The following HYCC1 variants were observed in gnomAD, a reference collection of about 807,000 sequenced individuals.
HYCC1 encodes the protein hyccin PI4KA lipid kinase complex subunit 1.
chr7:22,933,413 T>C, the HYCC1 span, among the ~76,000 whole-genome samples: 2 of 152,196 alleles, frequency 1.3e-5, no homozygotes, highest in Non-Finnish European at 2.9e-5. Context: ...CATTATAAAA[T>C]TTCTCTTTAT....
the HYCC1 span, among the ~76,000 whole-genome samples, chr7:22,914,616 G>A: frequency 5.3e-5 from 8 of 152,102 alleles, no homozygotes; most frequent in Non-Finnish European, 7.4e-5. Context: ...GGTGCCTGAC[G>A]TCCAGGCATT....
At chr7:22,964,783 G>A in the HYCC1 span, among the ~76,000 whole-genome samples, 62,905 of 151,900 alleles carry the variant, frequency 0.41, 13,020 homozygotes, top group East Asian at 0.51. Context: ...TGGTTAGTTC[G>A]CTAATTTTGG....
chr7:23,008,309 G>A, the HYCC1 span, among the ~76,000 whole-genome samples: 1 of 151,872 alleles, frequency 6.6e-6, no homozygotes, highest in Non-Finnish European at 1.5e-5. Context: ...GAATCAATAA[G>A]TTTTAAAATA....
the HYCC1 span, among the ~76,000 whole-genome samples, chr7:22,994,428 C>T: frequency 1.3e-5 from 2 of 152,142 alleles, no homozygotes; most frequent in South Asian, 2.1e-4. Context: ...CCTATCTTGT[C>T]GGTTCTGATA....
the HYCC1 span, among the ~76,000 whole-genome samples, chr7:22,905,386 A>ATTTTTT: frequency 2.0e-4 from 9 of 44,470 alleles, no homozygotes; most frequent in East Asian, 8.3e-4. Flanking sequence ...CTAATTTTGT[A>ATTTTTT]TTTTTTTTTT....
chr7:22,946,257 T>A, the HYCC1 span: 1 of 964,350 alleles, frequency 1.0e-6, no homozygotes, highest in African/African-American at 1.6e-5. Flanking sequence ...TTTACATAAA[T>A]TAAGCTTTAG....
the HYCC1 span, among the ~76,000 whole-genome samples, chr7:22,973,521 A>C: frequency 6.6e-6 from 1 of 152,176 alleles, no homozygotes; most frequent in Non-Finnish European, 1.5e-5. Context: ...AACACATTGT[A>C]GTTAAGAGTT....
chr7:22,978,284 T>G, the HYCC1 span: 6 of 1,613,960 alleles, frequency 3.7e-6, no homozygotes, highest in Admixed American at 3.3e-5. Flanking sequence ...TGTAAACCCC[T>G]AGAAGAAGAG....
chr7:22,955,998 T>C, the HYCC1 span, among the ~76,000 whole-genome samples: 1 of 151,780 alleles, frequency 6.6e-6, no homozygotes, highest in Non-Finnish European at 1.5e-5. Flanking sequence ...GAAAAATTAA[T>C]GAATTATTTT....
the HYCC1 span, among the ~76,000 whole-genome samples, chr7:22,900,940 A>T: frequency 6.6e-6 from 1 of 152,118 alleles, no homozygotes; most frequent in Non-Finnish European, 1.5e-5. Flanking sequence ...CGAAAAACAT[A>T]CTGGCCTGGC....
chr7:22,922,094 G>T, the HYCC1 span, among the ~76,000 whole-genome samples: 1 of 151,208 alleles, frequency 6.6e-6, no homozygotes, highest in African/African-American at 2.4e-5. Flanking sequence ...GAGACCCATG[G>T]AAAACAAAAA....
the HYCC1 span, among the ~76,000 whole-genome samples, chr7:22,975,200 T>C: frequency 7.6e-6 from 1 of 130,726 alleles, no homozygotes; most frequent in East Asian, 2.5e-4. Context: ...TAATCTGTCA[T>C]TTTTGTTTGT....
chr7:22,969,108 G>C, the HYCC1 span, among the ~76,000 whole-genome samples: 2 of 152,118 alleles, frequency 1.3e-5, no homozygotes, highest in African/African-American at 2.4e-5. Context: ...AAGATGATGA[G>C]ATGGGAGGGA....
the HYCC1 span, among the ~76,000 whole-genome samples, chr7:22,994,024 G>A: frequency 5.3e-5 from 8 of 152,100 alleles, no homozygotes; most frequent in East Asian, 7.7e-4. Context: ...TCTGTTACCC[G>A]GGCTAGAGTG....
At chr7:22,952,308 T>C in the HYCC1 span, among the ~76,000 whole-genome samples, 14 of 152,062 alleles carry the variant, frequency 9.2e-5, no homozygotes, top group Non-Finnish European at 1.6e-4. Context: ...AAAACCTCTT[T>C]GAAGAAGAGA....
the HYCC1 span, among the ~76,000 whole-genome samples, chr7:22,972,387 T>C: frequency 5.3e-5 from 8 of 152,128 alleles, no homozygotes; most frequent in Non-Finnish European, 1.0e-4. Flanking sequence ...CTCACAGCTA[T>C]CCATATCCAG....
the HYCC1 span, among the ~76,000 whole-genome samples, chr7:22,954,865 T>C: frequency 3.3e-5 from 5 of 151,512 alleles, no homozygotes; most frequent in Non-Finnish European, 5.9e-5. Flanking sequence ...GGACCAAAAG[T>C]AGGGAAACAT....
the HYCC1 span, among the ~76,000 whole-genome samples, chr7:22,901,159 G>A: frequency 1.4e-5 from 2 of 145,268 alleles, no homozygotes; most frequent in African/African-American, 5.1e-5. Context: ...AAGTTGAGGG[G>A]GCAGTAAGCC....
the HYCC1 span, chr7:22,938,948 C>G: frequency 3.9e-5 from 6 of 152,256 alleles, no homozygotes; most frequent in South Asian, 6.2e-4. Flanking sequence ...ACAATGCTCT[C>G]CTCCCCCATA....
Sources: gnomAD v4.1 joint callset for allele counts (sites outside exome capture counted in the v4.1 genomes callset) on GRCh38, gnomAD v4.1.1 for gene constraint, MANE v1.5 for transcripts, NCBI Gene and HGNC (gene_info 2026-07-23, HGNC 2026-07-21) for gene names.